Variants in NR3C2 observed in about 807,000 individuals in gnomAD.
NR3C2 encodes nuclear receptor subfamily 3 group C member 2, also known as mineralocorticoid receptor.
Under a neutral mutation model 86.4 loss-of-function variants are expected in NR3C2, and 15 were observed. The observed-to-expected ratio is 0.17, with a 90% CI of 0.12 to 0.27. The LOEUF (loss-of-function observed/expected upper bound fraction) is 0.27, where lower values mean the gene tolerates loss of function less well. Among genes scored for constraint, NR3C2 ranks in the 10% least tolerant of loss-of-function variants. NR3C2 has a pLI of 1.00. For synonymous variants in NR3C2, 458 were observed against 450.5 expected (o/e 1.02, Z -0.21); for missense variants, 960 against 1,195.6 (o/e 0.80, Z 2.91).
chr4:148,349,376 C>T (rs1228954068), intron 2 of NR3C2, among the ~76,000 whole-genome samples: 1 of 151,610 alleles, frequency 6.6e-6, no homozygotes, highest in African/African-American at 2.4e-5. Flanking sequence ...TGTACTATAA[C>T]CTGGGTCTGA....
chr4:148,417,015 G>A (rs182119889), intron 2 of NR3C2, among the ~76,000 whole-genome samples: 503 of 152,236 alleles, frequency 3.3e-3, no homozygotes, highest in Non-Finnish European at 5.9e-3. Flanking sequence ...GACCTCAGGT[G>A]ATCCACCCGC....
At chr4:148,417,425 C>T (rs1243409086) in intron 2 of NR3C2, among the ~76,000 whole-genome samples, 1 of 152,092 alleles carries the variant, frequency 6.6e-6, no homozygotes, top group African/African-American at 2.4e-5. Context: ...CTCTTTAAAC[C>T]ATCTGGAAAT....
chr4:148,224,731 C>A (rs1201244776), intron 3 of NR3C2, among the ~76,000 whole-genome samples: 2 of 152,168 alleles, frequency 1.3e-5, no homozygotes, highest in African/African-American at 4.8e-5. Context: ...CTGAAAGCAA[C>A]AACTTGAATG....
At chr4:148,212,132 T>C (rs1034712511) in intron 3 of NR3C2, among the ~76,000 whole-genome samples, 4 of 152,194 alleles carry the variant, frequency 2.6e-5, no homozygotes, top group African/African-American at 7.2e-5. Flanking sequence ...CTATCACAAG[T>C]TGGGCCCCGC....
At chr4:148,280,756 C>T (rs942238596) in intron 2 of NR3C2, among the ~76,000 whole-genome samples, 4 of 152,298 alleles carry the variant, frequency 2.6e-5, no homozygotes, top group Admixed American at 6.5e-5. Flanking sequence ...ATCCTCCTGC[C>T]TCAGCCTCCC....
chr4:148,274,912 G>T (rs906165018), intron 2 of NR3C2, among the ~76,000 whole-genome samples: 1 of 151,954 alleles, frequency 6.6e-6, no homozygotes, highest in African/African-American at 2.4e-5. Flanking sequence ...TAGCTAGGCT[G>T]GTCTCGAACT....
intron 6 of NR3C2, among the ~76,000 whole-genome samples, chr4:148,130,645 A>G (rs894313560): frequency 6.6e-6 from 1 of 152,134 alleles, no homozygotes; most frequent in Non-Finnish European, 1.5e-5. Flanking sequence ...CTGGCAATAA[A>G]CAGGAACAGG....
intron 2 of NR3C2, among the ~76,000 whole-genome samples, chr4:148,419,654 T>C (rs1341597466): frequency 6.6e-6 from 1 of 152,216 alleles, no homozygotes; most frequent in East Asian, 1.9e-4. Context: ...TGACTGATGA[T>C]CAATCTGCAG....
intron 2 of NR3C2, among the ~76,000 whole-genome samples, chr4:148,403,433 G>A (rs1234448622): frequency 6.6e-6 from 1 of 151,994 alleles, no homozygotes; most frequent in Non-Finnish European, 1.5e-5. Context: ...GTGTTGAAAG[G>A]AAGGTGATCA....
chr4:148,432,243 C>T (rs1027013613), intron 2 of NR3C2, among the ~76,000 whole-genome samples: 9 of 152,020 alleles, frequency 5.9e-5, no homozygotes, highest in Admixed American at 5.2e-4. Flanking sequence ...TGTTTTTCTT[C>T]AAGTACATAG....
intron 2 of NR3C2, among the ~76,000 whole-genome samples, chr4:148,296,066 AGAG>A (rs912020695): frequency 1.4e-5 from 2 of 148,072 alleles, no homozygotes; most frequent in African/African-American, 5.0e-5. Flanking sequence ...AAAAAAAAAA[AGAG>A]AGAATGTTCA....
chr4:148,088,758 A>G (rs1169021536), intron 8 of NR3C2, among the ~76,000 whole-genome samples: 1 of 152,116 alleles, frequency 6.6e-6, no homozygotes, highest in Non-Finnish European at 1.5e-5. Context: ...AGAAATACCT[A>G]ATGTAGATGA....
intron 3 of NR3C2, among the ~76,000 whole-genome samples, chr4:148,196,265 C>A (rs976207891): frequency 6.6e-6 from 1 of 152,162 alleles, no homozygotes; most frequent in African/African-American, 2.4e-5. Context: ...AAGGGGAAGA[C>A]AGAAGGAGCC....
At chr4:148,361,859 CAG>C (rs1745855268) in intron 2 of NR3C2, among the ~76,000 whole-genome samples, 1 of 122,890 alleles carries the variant, frequency 8.1e-6, no homozygotes. Context: ...GTTTTTGAGA[CAG>C]AGTTTCACTC....
chr4:148,180,232 G>T (rs1269616753), intron 4 of NR3C2, among the ~76,000 whole-genome samples: 1 of 151,742 alleles, frequency 6.6e-6, no homozygotes, highest in East Asian at 1.9e-4. Context: ...CAAGTTGCTG[G>T]CAGGTAAAGC....
At chr4:148,178,948 C>CAA (rs1057288181) in intron 4 of NR3C2, among the ~76,000 whole-genome samples, 4 of 125,392 alleles carry the variant, frequency 3.2e-5, no homozygotes, top group African/African-American at 1.2e-4. Flanking sequence ...AAAAAAAAAA[C>CAA]AAAAAAAAAC....
At chr4:148,300,489 A>G (rs1742281800) in intron 2 of NR3C2, among the ~76,000 whole-genome samples, 1 of 152,150 alleles carries the variant, frequency 6.6e-6, no homozygotes, top group Non-Finnish European at 1.5e-5. Context: ...GGTATATTTA[A>G]AAGGCCTTTA....
At chr4:148,194,147 TA>T (rs1336728177) in intron 4 of NR3C2, among the ~76,000 whole-genome samples, 34 of 152,226 alleles carry the variant, frequency 2.2e-4, no homozygotes, top group Non-Finnish European at 4.1e-4. Context: ...GAACTTAGAA[TA>T]ATCAATTGGT....
chr4:148,116,143 G>A (rs1488832462), intron 7 of NR3C2, among the ~76,000 whole-genome samples: 2 of 152,152 alleles, frequency 1.3e-5, no homozygotes, highest in African/African-American at 4.8e-5. Context: ...TACATGAAAA[G>A]TTAACTAGTG....
Sources: gnomAD v4.1 joint callset for allele counts (sites outside exome capture counted in the v4.1 genomes callset) on GRCh38, gnomAD v4.1.1 for gene constraint, MANE v1.5 for transcripts, NCBI Gene and HGNC (gene_info 2026-07-23, HGNC 2026-07-21) for gene names.